The following TLK1 variants were observed in gnomAD, a reference collection of about 807,000 sequenced individuals.
TLK1 encodes the protein tousled like kinase 1, also known as serine/threonine-protein kinase tousled-like 1.
In TLK1, 24 loss-of-function variants were observed where a neutral mutation model predicts 105.3. That is an observed-to-expected ratio of 0.23 (90% CI 0.17 to 0.32). TLK1 has a LOEUF of 0.32. TLK1 is among the 10% of genes least tolerant of loss of function. The pLI, the probability that TLK1 is intolerant of heterozygous loss-of-function variation, is 1.00. For synonymous variants in TLK1, 321 were observed against 310.4 expected, an observed-to-expected ratio of 1.03 and a Z score of -0.36; for missense variants, 558 against 910.5, an observed-to-expected ratio of 0.61 and a Z score of 4.98.
At chr2:171,012,278 C>T (rs1305662033) in intron 13 of TLK1, among the ~76,000 whole-genome samples, 1 of 152,118 alleles carries the variant, frequency 6.6e-6, no homozygotes, top group East Asian at 1.9e-4. Flanking sequence ...CCTGTATTAA[C>T]TCATTTAGTT....
chr2:171,100,676 G>C (rs1689651445), intron 2 of TLK1, among the ~76,000 whole-genome samples: 1 of 152,116 alleles, frequency 6.6e-6, no homozygotes. Context: ...ACAATAATAA[G>C]TGTTGACAGG....
intron 1 of TLK1, among the ~76,000 whole-genome samples, chr2:171,143,949 G>C (rs1277104667): frequency 6.6e-6 from 1 of 152,134 alleles, no homozygotes; most frequent in Non-Finnish European, 1.5e-5. Context: ...GTCTACTTAA[G>C]ACATATTTTA....
intron 4 of TLK1, among the ~76,000 whole-genome samples, chr2:171,058,515 TTTAG>T (rs1279083771): frequency 1.3e-5 from 2 of 152,114 alleles, no homozygotes; most frequent in African/African-American, 4.8e-5. Flanking sequence ...ATAAAACAGC[TTTAG>T]TTATACAAAC....
intron 1 of TLK1, among the ~76,000 whole-genome samples, chr2:171,122,139 G>C (rs893241320): frequency 1.3e-5 from 2 of 152,082 alleles, no homozygotes; most frequent in South Asian, 2.1e-4. Flanking sequence ...TGAAGACGGG[G>C]TTTCACCATG....
chr2:171,137,413 A>AT (rs1691369932), intron 1 of TLK1, among the ~76,000 whole-genome samples: 1 of 152,158 alleles, frequency 6.6e-6, no homozygotes, highest in Non-Finnish European at 1.5e-5. Flanking sequence ...CAATGAAGTG[A>AT]TTTTTTAAAA....
intron 3 of TLK1, among the ~76,000 whole-genome samples, chr2:171,077,490 C>T (rs921442837): frequency 1.3e-5 from 2 of 152,178 alleles, no homozygotes; most frequent in East Asian, 1.9e-4. Context: ...TATTTGCTGT[C>T]GCTATTTCCT....
chr2:171,149,919 A>G (rs142847803), intron 1 of TLK1, among the ~76,000 whole-genome samples: 104 of 152,222 alleles, frequency 6.8e-4, no homozygotes, highest in African/African-American at 2.4e-3. Flanking sequence ...GAAAAAGGAA[A>G]AAGAAAAAGA....
intron 3 of TLK1, among the ~76,000 whole-genome samples, chr2:171,077,576 G>A (rs1688568497): frequency 1.3e-5 from 2 of 152,136 alleles, no homozygotes; most frequent in South Asian, 2.1e-4. Context: ...AAGTCTAAGT[G>A]TCAAATTCTT....
chr2:171,160,465 A>ACGGCAGCGG lies in TLK1; in HGVS notation c.-46_-38dup. On this transcript the variant is annotated 5_prime_UTR_variant, in exon 1 of 21. Transcript: ENST00000431350. This position sits in a 1 kb window ranked among gnomAD's most constrained non-coding sequence, Gnocchi z 4.4. Reference sequence around the variant, plus strand: ...CTGGGAACCCGACTCCCCCCCTGCGACGGCAGCGGCGGCAACGGCACCGGC... The same window carrying ACGGCAGCGG: ...CTGGGAACCCGACTCCCCCCCTGCGACGGCAGCGGCGGCAGCGGCGGCAACGGCACCGGC... The ACGGCAGCGG allele has an allele frequency of 6.3e-7, 1 of 1,577,054 alleles. No homozygotes were observed. The highest frequency in any genetic ancestry group is 8.6e-7 in the Non-Finnish European group (1 of 1,165,586).
intron 2 of TLK1, among the ~76,000 whole-genome samples, chr2:171,101,346 C>CAAAAAAAAAAAAAAAAAAAAAAAAAAA (rs71401403): frequency 6.3e-5 from 4 of 63,494 alleles, no homozygotes; most frequent in African/African-American, 2.2e-4. Flanking sequence ...AACTCCGTCT[C>CAAAAAAAAAAAAAAAAAAAAAAAAAAA]AAAAAAAAAA....
At chr2:171,150,044 T>C (rs1401612963) in intron 1 of TLK1, among the ~76,000 whole-genome samples, 2 of 152,216 alleles carry the variant, frequency 1.3e-5, no homozygotes, top group Non-Finnish European at 2.9e-5. Context: ...CATTAGATAT[T>C]TGCTCAGTGT....
At chr2:171,001,915 A>C (rs1032249530) in intron 18 of TLK1, among the ~76,000 whole-genome samples, 7 of 151,796 alleles carry the variant, frequency 4.6e-5, no homozygotes, top group African/African-American at 1.7e-4. Context: ...ATAGTAGCTG[A>C]GAATACAGGC....
intron 10 of TLK1, among the ~76,000 whole-genome samples, chr2:171,048,166 A>T (rs1450391984): frequency 6.6e-6 from 1 of 152,048 alleles, no homozygotes; most frequent in Admixed American, 6.5e-5. Flanking sequence ...CCAGGTTGGT[A>T]TCAAACTCTC....
Position 171,013,141 on chromosome 2 carries a change from T to C in TLK1, c.1335-1687A>G, listed in dbSNP as rs150422192. Among the ~76,000 whole-genome samples the C allele has an allele frequency of 7.3e-4, 110 of 151,476 alleles. 1 individual carries two copies. In the East Asian group the frequency reaches 8.8e-3, roughly 12 times the overall value. On this transcript the variant is annotated intron_variant, in intron 13 of 20. Transcript: ENST00000431350. Reference sequence around the variant, plus strand: ...GATTCTCCTGCCTCAGCCTCCCAAGTAGCTGGGATTACAGGCGCCCACCAC... The same window carrying C: ...GATTCTCCTGCCTCAGCCTCCCAAGCAGCTGGGATTACAGGCGCCCACCAC...
chr2:171,011,112 T>A (rs990382793), intron 14 of TLK1, among the ~76,000 whole-genome samples: 2 of 152,094 alleles, frequency 1.3e-5, no homozygotes, highest in Non-Finnish European at 2.9e-5. Context: ...TCTGCAATAC[T>A]CCCACCTCAG....
At chr2:171,011,278 G>C (rs1370296298) in intron 14 of TLK1, 95 bp downstream of exon 14, 8 of 1,079,616 alleles carry the variant, frequency 7.4e-6, no homozygotes, top group Non-Finnish European at 1.0e-5. Flanking sequence ...ACATGTGTGA[G>C]CCACCATGCC....
chr2:171,086,043 T>C (rs1688957942), intron 2 of TLK1, among the ~76,000 whole-genome samples: 1 of 152,214 alleles, frequency 6.6e-6, no homozygotes. Context: ...CTCTGCTTCG[T>C]ATCTTCGAAT....
chr2:171,042,837 G>C (rs1472265723), intron 11 of TLK1, among the ~76,000 whole-genome samples: 1 of 152,074 alleles, frequency 6.6e-6, no homozygotes, highest in Non-Finnish European at 1.5e-5. Flanking sequence ...ACAGAAGCAA[G>C]AAAGCACAGT....
At chr2:171,010,893 G>T (rs920699056) in intron 14 of TLK1, among the ~76,000 whole-genome samples, 1 of 152,132 alleles carries the variant, frequency 6.6e-6, no homozygotes, top group Non-Finnish European at 1.5e-5. Context: ...AATATCACAG[G>T]GACTGTGCAG....
Sources: gnomAD v4.1 joint callset for allele counts (sites outside exome capture counted in the v4.1 genomes callset) on GRCh38, gnomAD v4.1.1 for gene constraint, Gnocchi (gnomAD v3.1) non-coding constraint, MANE v1.5 for transcripts, NCBI Gene and HGNC (gene_info 2026-07-23, HGNC 2026-07-21) for gene names.